Variants in DHX37 observed in about 807,000 individuals in gnomAD.
DHX37 encodes the protein probable ATP-dependent RNA helicase DHX37.
A neutral mutation model predicts 134.3 loss-of-function variants in DHX37; 52 were observed. That is an observed-to-expected ratio of 0.39 (90% CI 0.31 to 0.49). DHX37 has a LOEUF of 0.49. Among genes scored for constraint, DHX37 ranks in the 20% least tolerant of loss-of-function variants. DHX37 has a pLI of 0.93. For missense variants in DHX37, 1,344 were observed against 1,580.8 expected, an observed-to-expected ratio of 0.85 and a Z score of 2.54; for synonymous variants, 634 against 670.7, an observed-to-expected ratio of 0.95 and a Z score of 0.85.
In DHX37 at chr12:124,953,949, C is replaced by T. The variant is rs370040418; in HGVS notation, c.2626G>A (p.Glu876Lys). 52 of 1,613,264 alleles carry T rather than the reference C, an allele frequency of 3.2e-5. No homozygotes were observed. Among genetic ancestry groups the T allele is most frequent in the African/African-American group, 1.2e-4 (9 of 74,934 alleles). ...GCTTTGTACCGCAGCCCGTTGGCTT[C>T]GCAAAACTGGGGTGTGCAGCTGGCA... ...EYASCTPQFC[E>K]ANGLRYKAMM... is the part of the protein sequence containing the mutation. Residue 876 changes from glutamate (E) to lysine (K), a missense_variant, in exon 20 of 27, where the codon GAA (glutamate) becomes AAA (lysine). Transcript: ENST00000308736.
chr12:124,948,605 C>T lies in DHX37; in HGVS notation c.3291-424G>A, dbSNP rs1216895707. On this transcript the variant is annotated intron_variant, in intron 25 of 26. Transcript: ENST00000308736. ...CTACTAAAAATCCAAAAATATTTGC[C>T]GGGCATGGTGGCGGTCACCTGTAAT... 3.0e-5 allele frequency: 6 copies of T among 197,934 alleles called. No homozygotes were observed. In the South Asian group the frequency reaches 3.8e-4, roughly 13 times the overall value. The allele number at this position is 197,934 out of a possible 1,614,324, so 12.3% of individuals were successfully genotyped here. A position where few individuals can be genotyped will look rare whatever the true frequency, so the allele number is the denominator to read the frequency against.
Position 124,954,231 on chromosome 12 carries a change from C to T in DHX37, c.2454-20G>A. 1 of 1,547,586 alleles carries T rather than the reference C, an allele frequency of 6.5e-7. No homozygotes were observed. The highest frequency in any genetic ancestry group is 8.7e-7 in the Non-Finnish European group (1 of 1,147,900). On this transcript the variant is annotated intron_variant, in intron 18 of 26. Transcript: ENST00000308736. ...GCTGGTCTGCAAACACACATACATA[C>T]TGTCTGGGCTGGGGCCTCGGCTGCG...
intron 1 of DHX37, among the ~76,000 whole-genome samples, chr12:124,986,980 C>A (rs1424404359): frequency 1.3e-5 from 2 of 152,110 alleles, no homozygotes; most frequent in Non-Finnish European, 2.9e-5. Context: ...TCCTGACCCC[C>A]AAGTGAGCCA....
chr12:124,956,410 C>G (rs770195670), intron 18 of DHX37, among the ~76,000 whole-genome samples: 3 of 152,210 alleles, frequency 2.0e-5, no homozygotes, highest in Non-Finnish European at 2.9e-5. Flanking sequence ...AGCATGTAGT[C>G]ATAATCTATA....
Position 124,968,858 on chromosome 12 carries a change from CTG to C in DHX37, c.1293+7_1293+8del. ...CCAAGCTCACAGAGGACATGGGACC[CTG>C]TGTTACCTTGATGACCGGCGGCGGC... On this transcript the variant is annotated splice_region_variant and intron_variant, in intron 9 of 26. Transcript: ENST00000308736. 1 of 1,613,982 alleles carries C rather than the reference CTG, an allele frequency of 6.2e-7. No homozygotes were observed. The highest frequency in any genetic ancestry group is 8.5e-7 in the Non-Finnish European group (1 of 1,179,988).
At chr12:124,984,896 C>T (rs909390755) in intron 2 of DHX37, among the ~76,000 whole-genome samples, 12 of 152,136 alleles carry the variant, frequency 7.9e-5, no homozygotes, top group Non-Finnish European at 1.5e-4. Context: ...TACGTAATTA[C>T]GTGAAGGATC....
intron 18 of DHX37, among the ~76,000 whole-genome samples, chr12:124,955,336 G>C (rs1456833112): frequency 6.6e-6 from 1 of 152,218 alleles, no homozygotes; most frequent in Non-Finnish European, 1.5e-5. Flanking sequence ...GGTCTTCCCT[G>C]CCCTCGATGC....
At chr12:124,962,466 G>A (rs1954285976) in intron 15 of DHX37, among the ~76,000 whole-genome samples, 1 of 151,944 alleles carries the variant, frequency 6.6e-6, no homozygotes, top group Non-Finnish European at 1.5e-5. Context: ...GACCAGCCCG[G>A]TCAACATGGT....
At chr12:124,966,325 C>G (rs937941171) in intron 12 of DHX37, among the ~76,000 whole-genome samples, 2 of 152,222 alleles carry the variant, frequency 1.3e-5, no homozygotes, top group African/African-American at 2.4e-5. Flanking sequence ...GCCTCAGTCT[C>G]CCAAAGTGCT....
chr12:124,968,657 C>A lies in DHX37; in HGVS notation c.1294-9G>T. The A allele has an allele frequency of 6.2e-7, 1 of 1,613,780 alleles. No individual in the cohort carries two copies. Among genetic ancestry groups the A allele is most frequent in the Non-Finnish European group, 8.5e-7 (1 of 1,180,026 alleles). ...AACTGCCTGGATTCCACCTGTGGGA[C>A]GCCCAGGAAGGCATGGGGAGTGGGG... On this transcript the variant is annotated splice_polypyrimidine_tract_variant and intron_variant, in intron 9 of 26. Transcript: ENST00000308736.
intron 16 of DHX37, among the ~76,000 whole-genome samples, chr12:124,957,777 AC>A (rs113337706): frequency 7.2e-5 from 11 of 152,262 alleles, no homozygotes; most frequent in African/African-American, 2.6e-4. Flanking sequence ...ACAGAGTGAG[AC>A]CCCATCTCAA....
chr12:124,959,518 C>T lies in DHX37; in HGVS notation c.2157+794G>A, dbSNP rs753000889. ...GATTACAGGTGTGAGCCACCAGGCC[C>T]GGCCAGCACCCATGATTTTTATTAG... On this transcript the variant is annotated intron_variant, in intron 16 of 26. Transcript: ENST00000308736. 1.6e-4 allele frequency among the ~76,000 whole-genome samples: 25 copies of T among 152,240 alleles called. 1 individual carries two copies. Among genetic ancestry groups the T allele is most frequent in the East Asian group, 5.8e-4 (3 of 5,190 alleles).
At chr12:124,973,128 C>G (rs994465893) in intron 6 of DHX37, among the ~76,000 whole-genome samples, 1 of 150,732 alleles carries the variant, frequency 6.6e-6, no homozygotes, top group Admixed American at 6.6e-5. Flanking sequence ...GGCAATAGAG[C>G]CATCTCAAAA....
chr12:124,978,186 C>G (rs550077646), intron 4 of DHX37, among the ~76,000 whole-genome samples: 2 of 152,144 alleles, frequency 1.3e-5, no homozygotes, highest in African/African-American at 2.4e-5. Context: ...GTCTTGAACT[C>G]CTGACCTCAG....
rs1954019121 is a variant in DHX37 at position 124,953,626 on chromosome 12, G to C, written c.2695+254C>G. On this transcript the variant is annotated intron_variant, in intron 20 of 26. Coordinates refer to ENST00000308736, the MANE Select transcript of DHX37 (RefSeq NM_032656.4). Reference sequence around the variant, plus strand: ...GGAAAATGGCAGGGGGTATCGCCAGGGAAAAGGTGAAACCGAGCGACGACC... The same window carrying C: ...GGAAAATGGCAGGGGGTATCGCCAGCGAAAAGGTGAAACCGAGCGACGACC... 3 of 551,168 alleles carry C rather than the reference G, an allele frequency of 5.4e-6. No individual in the cohort carries two copies. The Admixed American group carries it at 9.9e-5, about 18-fold the overall frequency. 34.1% of individuals were successfully genotyped at this position (551,168 alleles called of 1,614,324 possible).
chr12:124,964,195 C>CAAAAAA (rs397692928), intron 15 of DHX37, among the ~76,000 whole-genome samples, 199 bp downstream of exon 15: 9 of 57,432 alleles, frequency 1.6e-4, no homozygotes, highest in South Asian at 1.5e-3. Context: ...AACTCCATCT[C>CAAAAAA]AAAAAAAAAA....
chr12:124,976,626 G>C (rs1023355501), intron 5 of DHX37, among the ~76,000 whole-genome samples: 4 of 152,082 alleles, frequency 2.6e-5, no homozygotes, highest in Non-Finnish European at 5.9e-5. Context: ...TCAGGAGATC[G>C]AGACCATCCC....
intron 1 of DHX37, among the ~76,000 whole-genome samples, chr12:124,988,187 T>C (rs1025399676): frequency 1.3e-5 from 2 of 151,810 alleles, no homozygotes; most frequent in Non-Finnish European, 2.9e-5. Context: ...GGCTGCCCTC[T>C]CCCGTAGAGA....
intron 5 of DHX37, among the ~76,000 whole-genome samples, chr12:124,976,345 C>T (rs751924044): frequency 6.6e-6 from 1 of 152,238 alleles, no homozygotes; most frequent in Non-Finnish European, 1.5e-5. Flanking sequence ...GGTCAATCAC[C>T]GAACCTGAGC....
Sources: gnomAD v4.1 joint callset for allele counts (sites outside exome capture counted in the v4.1 genomes callset) on GRCh38, gnomAD v4.1.1 for gene constraint, MANE v1.5 for transcripts, NCBI Gene and HGNC (gene_info 2026-07-23, HGNC 2026-07-21) for gene names.